GTF3C4: variants seen among roughly 807,000 people sequenced by gnomAD.
GTF3C4 encodes general transcription factor 3C polypeptide 4.
In GTF3C4, 28 loss-of-function variants were observed where a neutral mutation model predicts 67.5. That is an observed-to-expected ratio of 0.41 (90% CI 0.31 to 0.57). GTF3C4 has a LOEUF of 0.57. Ranked by LOEUF, GTF3C4 falls within the 20% of genes least tolerant of loss-of-function variation. The pLI is 0.21. For missense variants in GTF3C4, 831 were observed against 1,033.2 expected (o/e 0.80, Z 2.68); for synonymous variants, 409 against 393.0 (o/e 1.04, Z -0.48).
chr9:132,677,351 G>A (rs1405972958), intron 1 of GTF3C4, among the ~76,000 whole-genome samples: 2 of 152,202 alleles, frequency 1.3e-5, no homozygotes, highest in African/African-American at 2.4e-5. Context: ...GCGGTGAGCC[G>A]AGATTGTGCC....
At chr9:132,672,363 G>C (rs1187414960) in intron 1 of GTF3C4, among the ~76,000 whole-genome samples, 5 of 152,170 alleles carry the variant, frequency 3.3e-5, no homozygotes, top group African/African-American at 1.2e-4. Flanking sequence ...AGAGACTTAT[G>C]GGGCAGGTCA....
In GTF3C4 at chr9:132,679,437, C is replaced by T. The variant is rs199574706; in HGVS notation, c.1818C>T (p.Ile606=). 4.0e-5 allele frequency: 65 copies of T among 1,614,150 alleles called. No homozygotes were observed. The East Asian group carries it at 1.0e-3, about 25-fold the overall frequency. The change falls in exon 2 of 5, where the codon ATC becomes ATT. Residue 606 remains isoleucine (I), a synonymous_variant. Transcript: ENST00000372146. This position sits in a 1 kb window ranked among gnomAD's most constrained non-coding sequence, Gnocchi z 5.9. ...AACCCACCCATGAGGACTCAAAAAT[C>T]TTACTAGTGGATTCGCCTGGGATGG... ...LWKPTHEDSK[I]LLVDSPGMGN... is the part of the protein sequence containing the mutation.
chr9:132,682,595 CTTTTTTTT>C (rs34962674), intron 2 of GTF3C4, among the ~76,000 whole-genome samples: 4 of 92,546 alleles, frequency 4.3e-5, no homozygotes, highest in Admixed American at 2.8e-4. Flanking sequence ...ACAGTATAAT[CTTTTTTTT>C]TTTTTTTTTT....
intron 1 of GTF3C4, 149 bp downstream of exon 1, chr9:132,671,104 C>A (rs1282054254): frequency 9.4e-6 from 6 of 637,920 alleles, no homozygotes; most frequent in Non-Finnish European, 1.6e-5. Flanking sequence ...GCCAGGGTTA[C>A]CACAGCTTAA....
Position 132,690,605 on chromosome 9 carries a change from C to T in GTF3C4, c.*1660C>T, listed in dbSNP as rs557768574. 7.3e-5 allele frequency: 11 copies of T among 150,502 alleles called. No individual in the cohort carries two copies. Among genetic ancestry groups the T allele is most frequent in the African/African-American group, 2.7e-4 (11 of 40,988 alleles). The allele number at this position is 150,502 out of a possible 1,614,324, so 9.3% of individuals were successfully genotyped here. A position where few individuals can be genotyped will look rare whatever the true frequency, so the allele number is the denominator to read the frequency against. ...CCTATTCAAATTGCTGTTTTGTCTC[C>T]TATGTTTAATCATGTATTTGCTATT... On this transcript the variant is annotated 3_prime_UTR_variant, in exon 5 of 5. Coordinates refer to ENST00000372146, the MANE Select transcript of GTF3C4 (RefSeq NM_012204.4).
At chr9:132,676,141 C>T (rs1357108170) in intron 1 of GTF3C4, among the ~76,000 whole-genome samples, 4 of 151,738 alleles carry the variant, frequency 2.6e-5, no homozygotes, top group Non-Finnish European at 5.9e-5. Flanking sequence ...CCTCATGATC[C>T]GCCCACCTCA....
Position 132,683,634 on chromosome 9 carries a change from G to A in GTF3C4, c.2256G>A (p.Glu752=). 2 of 1,613,410 alleles carry A rather than the reference G, an allele frequency of 1.2e-6. No individual in the cohort carries two copies. Among genetic ancestry groups the A allele is most frequent in the East Asian group, 4.5e-5 (2 of 44,866 alleles). Residue 752 remains glutamate, a synonymous_variant, in exon 3 of 5, where the codon GAG becomes GAA. Transcript: ENST00000372146. ...CTGAGCACTGTAGTTTGTGTAAAGAGATCTTGCCATTCACAGATCGCAAAC... is the reference window on the plus strand; with the variant it reads ...CTGAGCACTGTAGTTTGTGTAAAGAAATCTTGCCATTCACAGATCGCAAAC... The part of the protein sequence containing the change: ...TFPEHCSLCK[E]ILPFTDRKQA...
At position 132,692,373 on chromosome 9, in the gene GTF3C4, C is replaced by T. The variant is rs1288628236; in HGVS notation, c.*3428C>T. ...GTATCTGGTTTTCTTCAAAACTTAA[C>T]TATAATTTCCTTGTCAGGGTGCTCA... is the stretch of plus-strand genomic sequence containing the variant. On this transcript the variant is annotated 3_prime_UTR_variant, in exon 5 of 5. Transcript: ENST00000372146. 1 of 152,174 alleles carries T rather than the reference C, an allele frequency of 6.6e-6. No homozygotes were observed. Among genetic ancestry groups the T allele is most frequent in the East Asian group, 1.9e-4 (1 of 5,198 alleles). The allele number at this position is 152,174 out of a possible 1,614,324, so 9.4% of individuals were successfully genotyped here. A position where few individuals can be genotyped will look rare whatever the true frequency, so the allele number is the denominator to read the frequency against.
At chr9:132,675,923 G>A (rs1360581367) in intron 1 of GTF3C4, among the ~76,000 whole-genome samples, 3 of 91,460 alleles carry the variant, frequency 3.3e-5, no homozygotes, top group African/African-American at 1.4e-4. Flanking sequence ...TTTTGAGATG[G>A]AGTTTTGCTC....
rs544251995 is a variant in GTF3C4, at chr9:132,692,813, A to G, written c.*3868A>G. ...TGTTTTTATTTTTGCCATTAGTGCAAGTATCAACTGGCAGCCTCAAACAGC... is the reference window on the plus strand; with the variant it reads ...TGTTTTTATTTTTGCCATTAGTGCAGGTATCAACTGGCAGCCTCAAACAGC... On this transcript the variant is annotated 3_prime_UTR_variant, in exon 5 of 5. Transcript: ENST00000372146. The G allele has an allele frequency of 1.4e-4, 22 of 152,344 alleles. No individual in the cohort carries two copies. Among genetic ancestry groups the G allele is most frequent in the African/African-American group, 5.3e-4 (22 of 41,582 alleles). The allele number at this position is 152,344 out of a possible 1,614,324, so 9.4% of individuals were successfully genotyped here.
In GTF3C4 at chr9:132,678,590, A is replaced by G. The variant is rs1835897031; in HGVS notation, c.971A>G (p.Asn324Ser). The G allele has an allele frequency of 6.2e-7, 1 of 1,614,118 alleles. No individual in the cohort carries two copies. The highest frequency in any genetic ancestry group is 1.3e-5 in the African/African-American group (1 of 74,940). ...TTGTTTTGGTGGGAATATGAGCACA[A>G]TAATCGAAAAATGAGTGGCCTTATT... ...SVLFWWEYEH[N>S]NRKMSGLIVG... Residue 324 changes from asparagine (N) to serine (S), a missense_variant, in exon 2 of 5, where the codon AAT (asparagine) becomes AGT (serine). By Grantham distance (46) the Asn-to-Ser change is conservative. Around this residue, in one of 4 missense-constraint regions of GTF3C4, gnomAD observed 390 missense variants for 540.3 expected, o/e 0.72. Transcript: ENST00000372146. This position sits in a 1 kb window ranked among gnomAD's most constrained non-coding sequence, Gnocchi z 6.5.
chr9:132,694,424 T>C lies in GTF3C4; in HGVS notation c.*5479T>C, dbSNP rs1836165758. The C allele has an allele frequency of 6.6e-6, 1 of 152,234 alleles. No individual in the cohort carries two copies. Among genetic ancestry groups the C allele is most frequent in the Admixed American group, 6.5e-5 (1 of 15,276 alleles). The allele number at this position is 152,234 out of a possible 1,614,324, so 9.4% of individuals were successfully genotyped here. On this transcript the variant is annotated 3_prime_UTR_variant, in exon 5 of 5. Transcript: ENST00000372146. ...TGCCAGAAGAGGGCAGAGTTCTTTC[T>C]TGGGTTTGAACTGGCTTTTTTGGGT...
chr9:132,670,501 CCGCCGCGGAGGG>C lies in GTF3C4; in HGVS notation c.-94_-83del, dbSNP rs1194605157. The C allele has an allele frequency of 3.6e-6, 4 of 1,106,700 alleles. No individual in the cohort carries two copies. The highest frequency in any genetic ancestry group is 1.7e-5 in the African/African-American group (1 of 60,376). The allele number at this position is 1,106,700 out of a possible 1,614,324, so 68.6% of individuals were successfully genotyped here. A position where few individuals can be genotyped will look rare whatever the true frequency, so the allele number is the denominator to read the frequency against. The stretch of plus-strand genomic sequence containing the variant: ...GCGCTCGGGGCCTGAGGGGAGAAAA[CCGCCGCGGAGGG>C]CGCTGGGGGTGGCGGCGGCGGTCCG... On this transcript the variant is annotated 5_prime_UTR_variant, in exon 1 of 5. Transcript: ENST00000372146.
chr9:132,670,377 G>A, upstream of GTF3C4: 2 of 1,225,558 alleles, frequency 1.6e-6, no homozygotes, highest in Non-Finnish European at 2.1e-6. Context: ...GGGGTCCTCG[G>A]GGCTCCCCGC....
rs1403018383 is a variant in GTF3C4, at chr9:132,689,035, C to T, written c.*90C>T. 7 of 957,792 alleles carry T rather than the reference C, an allele frequency of 7.3e-6. No homozygotes were observed. Among genetic ancestry groups the T allele is most frequent in the Non-Finnish European group, 1.2e-5 (7 of 596,120 alleles). 59.3% of individuals were successfully genotyped at this position (957,792 alleles called of 1,614,324 possible). On this transcript the variant is annotated 3_prime_UTR_variant, in exon 5 of 5. Coordinates refer to ENST00000372146, the MANE Select transcript of GTF3C4 (RefSeq NM_012204.4). ...GAAGAGAAGGATGCACTGGAGGAAG[C>T]CGGACCCTCACGAGTGGAGAGAAGT... is the stretch of plus-strand genomic sequence containing the variant.
In GTF3C4 at chr9:132,686,977, C is replaced by CT. The variant is rs951597823; in HGVS notation, c.2316-261dup. ...TAAAGTGCGGTCAGGTGTGGACAGA[C>CT]TAAATTCTTTTCTGATGCTCAAACA... is the stretch of plus-strand genomic sequence containing the variant. On this transcript the variant is annotated intron_variant, in intron 3 of 4. Transcript: ENST00000372146. Among the ~76,000 whole-genome samples the CT allele has an allele frequency of 2.9e-4, 44 of 152,318 alleles. No homozygotes were observed. In the South Asian group the frequency reaches 4.6e-3, roughly 16 times the overall value.
At position 132,678,016 on chromosome 9, in the gene GTF3C4, T is replaced by C; in HGVS notation, c.397T>C (p.Phe133Leu). Reference sequence around the variant, plus strand: ...AGAAGTTGCTGAGTGCAAGGAGAAATTCGCCGCCTCCAAGGACCCCACGGT... The same window carrying C: ...AGAAGTTGCTGAGTGCAAGGAGAAACTCGCCGCCTCCAAGGACCCCACGGT... ...KTEVAECKEKFAASKDPTVSQ... is the reference protein window; with the variant it reads ...KTEVAECKEKLAASKDPTVSQ... The change falls in exon 2 of 5, where the codon TTC (phenylalanine) becomes CTC (leucine). Residue 133 changes from phenylalanine (F) to leucine (L), a missense_variant. Around this residue, in one of 4 missense-constraint regions of GTF3C4, gnomAD observed 237 missense variants for 212.7 expected, o/e 1.11. Coordinates refer to ENST00000372146, the MANE Select transcript of GTF3C4 (RefSeq NM_012204.4). This position sits in a 1 kb window ranked among gnomAD's most constrained non-coding sequence, Gnocchi z 6.5. The C allele has an allele frequency of 6.2e-7, 1 of 1,612,370 alleles. No homozygotes were observed. Among genetic ancestry groups the C allele is most frequent in the Non-Finnish European group, 8.5e-7 (1 of 1,179,336 alleles).
At position 132,694,100 on chromosome 9, in the gene GTF3C4, T is replaced by C. The variant is rs759481035; in HGVS notation, c.*5155T>C. 12 of 152,196 alleles carry C rather than the reference T, an allele frequency of 7.9e-5. No homozygotes were observed. The highest frequency in any genetic ancestry group is 1.4e-4 in the African/African-American group (6 of 41,458). 9.4% of individuals were successfully genotyped at this position (152,196 alleles called of 1,614,324 possible). A position where few individuals can be genotyped will look rare whatever the true frequency, so the allele number is the denominator to read the frequency against. ...CCATCTGATTAGGTGGAATGTTTTATAGACTTTTGGTGTTGAAAAAAAAAA... is the reference window on the plus strand; with the variant it reads ...CCATCTGATTAGGTGGAATGTTTTACAGACTTTTGGTGTTGAAAAAAAAAA... On this transcript the variant is annotated 3_prime_UTR_variant, in exon 5 of 5. Transcript: ENST00000372146.
chr9:132,676,627 G>A (rs1435648119), intron 1 of GTF3C4, among the ~76,000 whole-genome samples: 1 of 152,052 alleles, frequency 6.6e-6, no homozygotes, highest in Non-Finnish European at 1.5e-5. Flanking sequence ...AGCCATGGGG[G>A]ATATTTTTTA....
Sources: gnomAD v4.1 joint callset for allele counts (sites outside exome capture counted in the v4.1 genomes callset) on GRCh38, gnomAD v4.1.1 for gene constraint, gnomAD v4.1.1 regional missense constraint, Gnocchi (gnomAD v3.1) non-coding constraint, MANE v1.5 for transcripts, NCBI Gene and HGNC (gene_info 2026-07-23, HGNC 2026-07-21) for gene names.